Variants in INTS3 observed in about 807,000 individuals in gnomAD.
The protein encoded by INTS3 is SOSS complex subunit A.
A neutral mutation model predicts 146.3 loss-of-function variants in INTS3; 34 were observed. That is an observed-to-expected ratio of 0.23 (90% CI 0.18 to 0.31). INTS3 has a LOEUF of 0.31. Among genes scored for constraint, INTS3 ranks in the 10% least tolerant of loss-of-function variants. The pLI, the probability that INTS3 is intolerant of heterozygous loss-of-function variation, is 1.00. For missense variants in INTS3, 757 were observed against 1,304.2 expected (o/e 0.58, Z 6.46); for synonymous variants, 475 against 494.9 (o/e 0.96, Z 0.53).
chr1:153,753,709 G>C (rs1672050841), intron 8 of INTS3: 1 of 142,206 alleles, frequency 7.0e-6, no homozygotes, highest in Non-Finnish European at 1.5e-5. Flanking sequence ...AGGCTGGTGT[G>C]CAATGGCGTG....
At chr1:153,752,123 A>C in intron 7 of INTS3, 156 bp from the exon 8 acceptor site, 1 of 779,190 alleles carries the variant, frequency 1.3e-6, no homozygotes, top group Non-Finnish European at 2.2e-6. Context: ...CTGAACAGCT[A>C]GGAGCCAATC....
intron 3 of INTS3, among the ~76,000 whole-genome samples, chr1:153,745,656 A>G (rs1344663272): frequency 5.4e-5 from 7 of 129,210 alleles, no homozygotes; most frequent in Non-Finnish European, 8.7e-5. Context: ...AGACAGAGTG[A>G]AAAAAAAAAA....
intron 7 of INTS3, 180 bp from the exon 8 acceptor site, chr1:153,752,099 C>T: frequency 1.5e-6 from 1 of 673,414 alleles, no homozygotes; most frequent in Admixed American, 2.6e-5. Flanking sequence ...TCCCCAGCTT[C>T]CAGCTCTCTT....
chr1:153,741,315 A>G lies in INTS3; in HGVS notation c.265A>G (p.Ile89Val). The G allele has an allele frequency of 6.2e-7, 1 of 1,614,072 alleles. No homozygotes were observed. Among genetic ancestry groups the G allele is most frequent in the South Asian group, 1.1e-5 (1 of 91,074 alleles). Residue 89 changes from isoleucine (I) to valine (V), a missense_variant, in exon 3 of 30, where the codon ATC becomes GTC. Coordinates refer to ENST00000318967, the MANE Select transcript of INTS3 (RefSeq NM_023015.5). ...CAAAGGCCTCCCCCAGCATGAAGAA[A>G]TCTGCCTGGGCCTGTTTACTCTCAT... ...VCKGLPQHEE[I>V]CLGLFTLILT...
At position 153,747,046 on chromosome 1, in the gene INTS3, G is replaced by A. The variant is rs1368589935; in HGVS notation, c.408G>A (p.Lys136=). Residue 136 remains lysine (K), a synonymous_variant, in exon 4 of 30, where the codon AAG becomes AAA. Transcript: ENST00000318967. ...INQILMEKYL[K]LQDTCRTQLV... ...AGATACTTATGGAGAAGTACCTGAA[G>A]CTGCAGGATACCTGCCGTACTCAGG... The A allele has an allele frequency of 6.2e-7, 1 of 1,611,950 alleles. No individual in the cohort carries two copies. Among genetic ancestry groups the A allele is most frequent in the Admixed American group, 1.7e-5 (1 of 60,030 alleles).
intron 1 of INTS3, among the ~76,000 whole-genome samples, chr1:153,733,765 CG>C (rs1289290517): frequency 6.6e-6 from 1 of 151,744 alleles, no homozygotes; most frequent in Non-Finnish European, 1.5e-5. Context: ...CCACCACACC[CG>C]GCTGATTCTT....
intron 1 of INTS3, among the ~76,000 whole-genome samples, chr1:153,740,175 C>T (rs1040093371): frequency 6.6e-6 from 1 of 152,136 alleles, no homozygotes. Context: ...TCTCTGCTCA[C>T]TGCTGCCTCT....
chr1:153,740,958 C>T (rs1671509852), intron 2 of INTS3, among the ~76,000 whole-genome samples: 1 of 152,034 alleles, frequency 6.6e-6, no homozygotes, highest in Non-Finnish European at 1.5e-5. Context: ...GCAATGTGGT[C>T]TCGCTATGTT....
At chr1:153,741,844 A>G (rs1671546359) in intron 3 of INTS3, among the ~76,000 whole-genome samples, 1 of 152,230 alleles carries the variant, frequency 6.6e-6, no homozygotes, top group Admixed American at 6.5e-5. Flanking sequence ...AGTGATTAGG[A>G]GAACACTGGA....
intron 1 of INTS3, among the ~76,000 whole-genome samples, chr1:153,736,399 AC>A (rs1350252188): frequency 6.6e-6 from 1 of 151,998 alleles, no homozygotes; most frequent in Non-Finnish European, 1.5e-5. Context: ...CACAGGATAG[AC>A]ATAGGCAACC....
intron 10 of INTS3, among the ~76,000 whole-genome samples, chr1:153,759,156 G>A (rs547399028): frequency 1.7e-4 from 26 of 151,530 alleles, no homozygotes; most frequent in African/African-American, 5.6e-4. Flanking sequence ...GAGGTGGTGC[G>A]TGCCTGTAGT....
intron 1 of INTS3, among the ~76,000 whole-genome samples, chr1:153,730,157 T>C (rs1456492669): frequency 1.3e-5 from 2 of 152,234 alleles, no homozygotes. Context: ...GATAGTAACT[T>C]TGTGGATTTT....
rs60492889 is a variant in INTS3, at chr1:153,733,197, C to CTT, written c.150+4444_150+4445dup. Among the ~76,000 whole-genome samples the CTT allele has an allele frequency of 1.4e-4, 6 of 42,758 alleles. 1 individual carries two copies. The highest frequency in any genetic ancestry group is 2.1e-4 in the Non-Finnish European group (5 of 24,168). 28.1% of individuals were successfully genotyped at this position (42,758 alleles called of 152,430 possible). On this transcript the variant is annotated intron_variant, in intron 1 of 29. Transcript: ENST00000318967. Reference sequence around the variant, plus strand: ...CATAGGGAGCAGTATTTACCGAATGCTTTTTTTTTTTTTTTTTTTTTTTTT... The same window carrying CTT: ...CATAGGGAGCAGTATTTACCGAATGCTTTTTTTTTTTTTTTTTTTTTTTTTTT...
rs1420570385 is a variant in INTS3 at position 153,769,786 on chromosome 1, C to T, written c.2331C>T (p.Cys777=). 7.4e-6 allele frequency: 12 copies of T among 1,613,062 alleles called. No individual in the cohort carries two copies. The highest frequency in any genetic ancestry group is 1.3e-5 in the African/African-American group (1 of 74,830). ...CTCCTTAGCTCCAGGAGCTGGTCTG[C>T]CACGTGATGATGGGTAACCTGGTTA... The part of the protein sequence containing the change: ...IDSAQLQELV[C]HVMMGNLVMF... The change falls in exon 23 of 30, where the codon TGC becomes TGT. Residue 777 remains cysteine, a synonymous_variant. Coordinates refer to ENST00000318967, the MANE Select transcript of INTS3 (RefSeq NM_023015.5).
At chr1:153,735,487 C>T (rs1033406781) in intron 1 of INTS3, among the ~76,000 whole-genome samples, 2 of 152,164 alleles carry the variant, frequency 1.3e-5, no homozygotes, top group African/African-American at 4.8e-5. Flanking sequence ...TAGCTAGCTG[C>T]TGTTTGATTT....
intron 1 of INTS3, among the ~76,000 whole-genome samples, chr1:153,737,240 T>C (rs1373913370): frequency 6.6e-6 from 1 of 152,216 alleles, no homozygotes; most frequent in African/African-American, 2.4e-5. Context: ...GAAATTGGTT[T>C]TTCTTAAACA....
chr1:153,735,008 C>G (rs1671236097), intron 1 of INTS3, among the ~76,000 whole-genome samples: 1 of 152,194 alleles, frequency 6.6e-6, no homozygotes, highest in East Asian at 1.9e-4. Flanking sequence ...TGCTCTGTCA[C>G]TCAGGCTGGA....
chr1:153,759,139 G>C (rs1672277305), intron 10 of INTS3, among the ~76,000 whole-genome samples: 1 of 151,538 alleles, frequency 6.6e-6, no homozygotes, highest in African/African-American at 2.4e-5. Flanking sequence ...AGAAAAATGA[G>C]CCAGGTGAGG....
chr1:153,766,203 C>T (rs1190024132), intron 20 of INTS3, among the ~76,000 whole-genome samples: 4 of 146,590 alleles, frequency 2.7e-5, no homozygotes, highest in Non-Finnish European at 4.5e-5. Context: ...CTCACTGCAA[C>T]CTCCGCTTCC....
Sources: gnomAD v4.1 joint callset for allele counts (sites outside exome capture counted in the v4.1 genomes callset) on GRCh38, gnomAD v4.1.1 for gene constraint, MANE v1.5 for transcripts, NCBI Gene and HGNC (gene_info 2026-07-23, HGNC 2026-07-21) for gene names.